The following ZNF398 variants were observed in gnomAD, a reference collection of about 807,000 sequenced individuals.
ZNF398 encodes the protein zinc finger protein 398.
In ZNF398, 18 loss-of-function variants were observed where a neutral mutation model predicts 41.9. The ratio of observed to expected loss-of-function variants is 0.43; its 90% CI spans 0.30 to 0.64. ZNF398 has a LOEUF of 0.64. ZNF398 is among the 30% of genes least tolerant of loss of function. The probability of loss-of-function intolerance (pLI) is 0.14; values close to 1 mark genes in which losing one functional copy is unlikely to be tolerated. For synonymous variants in ZNF398, 260 were observed against 308.8 expected (o/e 0.84, Z 1.66); for missense variants, 669 against 822.8 (o/e 0.81, Z 2.29).
At chr7:149,145,519 A>T (rs1463581838), upstream of ZNF398, among the ~76,000 whole-genome samples, 1 of 152,198 alleles carries the variant, frequency 6.6e-6, no homozygotes, top group Non-Finnish European at 1.5e-5. Flanking sequence ...GATCTCTGAC[A>T]TTAGAATCAT....
intron 4 of ZNF398, among the ~76,000 whole-genome samples, chr7:149,168,291 T>G (rs1210482575): frequency 6.6e-6 from 1 of 151,918 alleles, no homozygotes; most frequent in East Asian, 1.9e-4. Flanking sequence ...TTGGCCAGAC[T>G]GGTCTCGAAC....
chr7:149,156,402 G>T lies in ZNF398; in HGVS notation c.420+2062G>T, dbSNP rs1484124652. Among the ~76,000 whole-genome samples the T allele has an allele frequency of 7.3e-5, 11 of 150,874 alleles. No individual in the cohort carries two copies. In the Admixed American group the frequency reaches 7.3e-4, roughly 10 times the overall value. ...GGCACCTGTAATCCCAGCTACTTGGGAGGCTGAGGCAGGAGAATCGCTTGA... is the reference window on the plus strand; with the variant it reads ...GGCACCTGTAATCCCAGCTACTTGGTAGGCTGAGGCAGGAGAATCGCTTGA... On this transcript the variant is annotated intron_variant, in intron 2 of 5. Transcript: ENST00000475153.
At chr7:149,133,744 C>A (rs568663845) in intron 2 of ZNF398, among the ~76,000 whole-genome samples, 73 of 110,562 alleles carry the variant, frequency 6.6e-4, no homozygotes, top group Non-Finnish European at 1.2e-3. Context: ...TTTTTTGTGA[C>A]CTTCAGATTT....
intron 2 of ZNF398, among the ~76,000 whole-genome samples, chr7:149,133,678 T>TATACAC (rs1483673161): frequency 4.0e-4 from 27 of 67,020 alleles, no homozygotes; most frequent in African/African-American, 1.6e-3. Context: ...TATATATATA[T>TATACAC]ACATATATAT....
At chr7:149,150,623 A>C (rs774974437) in intron 1 of ZNF398, among the ~76,000 whole-genome samples, 10 of 152,136 alleles carry the variant, frequency 6.6e-5, no homozygotes, top group Non-Finnish European at 1.5e-4. Context: ...AACCCAACAG[A>C]ATCTCAGTTT....
chr7:149,162,606 A>G (rs1795133728), intron 2 of ZNF398, among the ~76,000 whole-genome samples: 1 of 152,192 alleles, frequency 6.6e-6, no homozygotes, highest in Non-Finnish European at 1.5e-5. Flanking sequence ...CTGAGATTAC[A>G]GGCATGAGCC....
chr7:149,165,438 G>A (rs1246102323), intron 2 of ZNF398, among the ~76,000 whole-genome samples: 6 of 152,304 alleles, frequency 3.9e-5, no homozygotes, highest in South Asian at 2.1e-4. Flanking sequence ...AAATCTTGCC[G>A]TGAAAACAAT....
intron 4 of ZNF398, among the ~76,000 whole-genome samples, chr7:149,167,639 T>TC (rs1176530096): frequency 1.4e-5 from 2 of 147,982 alleles, no homozygotes; most frequent in African/African-American, 5.0e-5. Flanking sequence ...CTTTTCTTTT[T>TC]TTTTTTTTTT....
chr7:149,165,214 G>A (rs1444717094), intron 2 of ZNF398, among the ~76,000 whole-genome samples: 1 of 152,118 alleles, frequency 6.6e-6, no homozygotes, highest in South Asian at 2.1e-4. Flanking sequence ...AGTTCGAACC[G>A]AATGCTGAAA....
rs753173656 is a variant in ZNF398 at position 149,178,946 on chromosome 7, G to T, written c.1074G>T (p.Leu358=). The change falls in exon 6 of 6, where the codon CTG becomes CTT. Residue 358 remains leucine, a synonymous_variant. Transcript: ENST00000475153. ...CGKNLSQDML[L]THQCSHATEH... ...AGAATCTCAGCCAAGACATGTTGCT[G>T]ACCCACCAATGTAGCCATGCTACTG... is the stretch of plus-strand genomic sequence containing the variant. The T allele has an allele frequency of 3.7e-6, 6 of 1,614,094 alleles. No homozygotes were observed. The highest frequency in any genetic ancestry group is 4.2e-6 in the Non-Finnish European group (5 of 1,180,028).
intron 4 of ZNF398, among the ~76,000 whole-genome samples, chr7:149,168,493 AGG>A (rs1407988460): frequency 6.6e-6 from 1 of 152,154 alleles, no homozygotes; most frequent in African/African-American, 2.4e-5. Context: ...TTTTCTTTTC[AGG>A]TAAATTTTAC....
At chr7:149,168,377 C>G (rs1487818774) in intron 4 of ZNF398, among the ~76,000 whole-genome samples, 1 of 152,062 alleles carries the variant, frequency 6.6e-6, no homozygotes, top group Non-Finnish European at 1.5e-5. Context: ...CGCACCCAGC[C>G]ATCTATCCTA....
At chr7:149,162,068 G>A (rs912224198) in intron 2 of ZNF398, among the ~76,000 whole-genome samples, 4 of 151,968 alleles carry the variant, frequency 2.6e-5, no homozygotes, top group African/African-American at 9.7e-5. Context: ...TCTTGCTCTC[G>A]CCTGGGCTGG....
intron 2 of ZNF398, among the ~76,000 whole-genome samples, chr7:149,156,975 G>A (rs1195426464): frequency 6.6e-6 from 1 of 152,006 alleles, no homozygotes; most frequent in Non-Finnish European, 1.5e-5. Context: ...AACCCAACTT[G>A]CCCGAGGTCA....
At chr7:149,140,695 C>T (rs918163323) in intron 2 of ZNF398, among the ~76,000 whole-genome samples, 2 of 151,840 alleles carry the variant, frequency 1.3e-5, no homozygotes, top group Admixed American at 1.3e-4. Flanking sequence ...ATAAAACACC[C>T]TTTAGAAACG....
chr7:149,135,527 G>A (rs1826691510), intron 2 of ZNF398, among the ~76,000 whole-genome samples: 1 of 151,966 alleles, frequency 6.6e-6, no homozygotes, highest in Non-Finnish European at 1.5e-5. Context: ...GAGCAGGGGT[G>A]AGGGATAGAA....
Position 149,179,784 on chromosome 7 carries a change from G to A in ZNF398, c.1912G>A (p.Gly638Arg). The A allele has an allele frequency of 1.3e-6, 2 of 1,579,506 alleles. No individual in the cohort carries two copies. The highest frequency in any genetic ancestry group is 1.7e-6 in the Non-Finnish European group (2 of 1,160,146). The change falls in exon 6 of 6, where the codon GGA becomes AGA. Residue 638 changes from glycine (G) to arginine (R), a missense_variant. Physicochemically the swap from Gly to Arg is moderately radical, Grantham distance 125. Coordinates refer to ENST00000475153, the MANE Select transcript of ZNF398 (RefSeq NM_170686.3). The surrounding 1 kb of genome is among the most constrained non-coding windows in gnomAD (Gnocchi z 6.1). ...ETNQWYGEGSGGGVL is the reference protein window; with the variant it reads ...ETNQWYGEGSRGGVL ...CAACCAGTGGTATGGGGAAGGGAGT[G>A]GAGGGGGAGTTTTGTAAATCCAAAT...
intron 2 of ZNF398, among the ~76,000 whole-genome samples, chr7:149,161,168 T>C (rs1483058848): frequency 6.6e-6 from 1 of 152,182 alleles, no homozygotes; most frequent in Non-Finnish European, 1.5e-5. Flanking sequence ...CTCTGGCTCC[T>C]TGCCACCAGG....
intron 2 of ZNF398, among the ~76,000 whole-genome samples, chr7:149,155,709 T>A (rs866165908): frequency 0.083 from 1,689 of 20,318 alleles, 34 homozygotes; most frequent in African/African-American, 0.15. Flanking sequence ...ATATATATAT[T>A]TTTTTTTTTT....
Sources: allele counts gnomAD v4.1 joint callset (sites outside exome capture counted in the v4.1 genomes callset), GRCh38; gene constraint gnomAD v4.1.1; non-coding constraint Gnocchi (gnomAD v3.1); transcripts MANE v1.5; gene names NCBI Gene and HGNC (gene_info 2026-07-23, HGNC 2026-07-21).